The following TENM2 variants were observed in gnomAD, a reference collection of about 807,000 sequenced individuals.
TENM2 encodes teneurin transmembrane protein 2.
TENM2 carries 52 observed loss-of-function variants against 245.2 expected under a neutral mutation model. That is an observed-to-expected ratio of 0.21 (90% confidence interval 0.17 to 0.27). The LOEUF (loss-of-function observed/expected upper bound fraction) is 0.27. Ranked by LOEUF, TENM2 falls within the 10% of genes least tolerant of loss-of-function variation. The probability of loss-of-function intolerance (pLI) is 1.00; values close to 1 mark genes in which losing one functional copy is unlikely to be tolerated. For synonymous variants in TENM2, 1,363 were observed against 1,438.9 expected, an observed-to-expected ratio of 0.95 and a Z score of 1.19; for missense variants, 3,046 against 3,666.8, an observed-to-expected ratio of 0.83 and a Z score of 4.37.
At chr5:167,730,108 A>G (rs978993523) in intron 2 of TENM2, among the ~76,000 whole-genome samples, 1 of 152,202 alleles carries the variant, frequency 6.6e-6, no homozygotes, top group Non-Finnish European at 1.5e-5. Flanking sequence ...CTAAAAATCC[A>G]TCGTCTTTGC....
chr5:167,188,848 A>G, the TENM2 span, among the ~76,000 whole-genome samples: 1 of 152,192 alleles, frequency 6.6e-6, no homozygotes. Flanking sequence ...ATGATAAAAA[A>G]TTATCCAAGA....
chr5:167,733,284 T>C (rs924186674), intron 2 of TENM2, among the ~76,000 whole-genome samples: 1 of 152,204 alleles, frequency 6.6e-6, no homozygotes, highest in Non-Finnish European at 1.5e-5. Context: ...GAATGTCTAG[T>C]CAGTGCTGTG....
At chr5:167,323,140 A>G (rs1354754624) in intron 1 of TENM2, among the ~76,000 whole-genome samples, 2 of 152,206 alleles carry the variant, frequency 1.3e-5, no homozygotes, top group Non-Finnish European at 2.9e-5. Flanking sequence ...GAGGATTTAT[A>G]CTAGTACAGC....
chr5:167,115,793 T>C, the TENM2 span, among the ~76,000 whole-genome samples: 1 of 152,304 alleles, frequency 6.6e-6, no homozygotes, highest in South Asian at 2.1e-4. Context: ...TAGGCTTTAG[T>C]AGAGATGCTT....
In TENM2 at chr5:167,635,633, C is replaced by CTTTTTTTTTTTTTTTTTTTTTT. The variant is rs76155764; in HGVS notation, c.503-240345_503-240324dup. Among the ~76,000 whole-genome samples, 44 of 74,940 alleles carry CTTTTTTTTTTTTTTTTTTTTTT rather than the reference C, an allele frequency of 5.9e-4. 5 individuals carry two copies. Among genetic ancestry groups the CTTTTTTTTTTTTTTTTTTTTTT allele is most frequent in the East Asian group, 2.9e-3 (5 of 1,710 alleles). 49.2% of individuals were successfully genotyped at this position (74,940 alleles called of 152,430 possible). A position where few individuals can be genotyped will look rare whatever the true frequency, so the allele number is the denominator to read the frequency against. On this transcript the variant is annotated intron_variant, in intron 2 of 28. Coordinates refer to ENST00000518659, the Ensembl canonical transcript of TENM2. ...GGAATCTGGCTATGATCAGTACAGT[C>CTTTTTTTTTTTTTTTTTTTTTT]TTTTTTTTTTTTTTTTTTTTTTTTT...
intron 4 of TENM2, among the ~76,000 whole-genome samples, chr5:167,989,456 A>G (rs1438052625): frequency 6.6e-6 from 1 of 152,164 alleles, no homozygotes; most frequent in East Asian, 1.9e-4. Context: ...TTGTTAAGAC[A>G]AAGTGTGTCT....
chr5:167,235,798 C>T, the TENM2 span, among the ~76,000 whole-genome samples: 5 of 152,194 alleles, frequency 3.3e-5, no homozygotes. Flanking sequence ...TTGCATTCAT[C>T]ATGAAACCAA....
the TENM2 span, among the ~76,000 whole-genome samples, chr5:167,066,344 G>C: frequency 6.6e-6 from 1 of 151,984 alleles, no homozygotes; most frequent in Admixed American, 6.6e-5. Context: ...TATTCCATGG[G>C]TTAGTTCCTA....
At chr5:168,132,210 T>A (rs1426037923) in intron 12 of TENM2, among the ~76,000 whole-genome samples, 1 of 151,986 alleles carries the variant, frequency 6.6e-6, no homozygotes, top group African/African-American at 2.4e-5. Flanking sequence ...TGCAAAAACA[T>A]AAAAGGAAAG....
the TENM2 span, among the ~76,000 whole-genome samples, chr5:167,175,279 A>T: frequency 9.2e-5 from 14 of 152,214 alleles, no homozygotes; most frequent in Non-Finnish European, 7.3e-5. Context: ...GCCCTGAGAT[A>T]TGTTAACAGC....
At chr5:168,204,554 G>A in exon 19 of TENM2, 1 of 1,614,038 alleles carries the variant, frequency 6.2e-7, no homozygotes, top group South Asian at 1.1e-5. Context: ...GAGCCTCTAT[G>A]TGGGTGACTT....
intron 2 of TENM2, among the ~76,000 whole-genome samples, chr5:167,524,040 G>C (rs1237994713): frequency 4.6e-5 from 7 of 152,128 alleles, no homozygotes; most frequent in Admixed American, 3.9e-4. Context: ...ATCTCAGTTA[G>C]CCTATGATTC....
intron 2 of TENM2, among the ~76,000 whole-genome samples, chr5:167,862,256 T>C (rs1771888020): frequency 6.6e-6 from 1 of 152,126 alleles, no homozygotes; most frequent in South Asian, 2.1e-4. Context: ...TGTGTGTGTG[T>C]GTGTGTGTGT....
intron 2 of TENM2, among the ~76,000 whole-genome samples, chr5:167,832,534 A>G (rs1283855135): frequency 1.3e-5 from 2 of 152,242 alleles, no homozygotes; most frequent in Admixed American, 6.5e-5. Flanking sequence ...TGTTTATGTA[A>G]GATGTTAATT....
At chr5:167,993,893 G>T (rs148436615) in intron 5 of TENM2, among the ~76,000 whole-genome samples, 153 of 152,348 alleles carry the variant, frequency 1.0e-3, no homozygotes, top group African/African-American at 3.5e-3. Flanking sequence ...ATCTTTCTCT[G>T]CATGCCAAAG....
the TENM2 span, among the ~76,000 whole-genome samples, chr5:167,172,685 TC>T: frequency 1.9e-4 from 29 of 151,132 alleles, no homozygotes; most frequent in Admixed American, 2.0e-4. Flanking sequence ...AGTGCAGTGG[TC>T]CTGCTGCTTC....
chr5:167,826,639 GATTA>G (rs1273786164), intron 2 of TENM2, among the ~76,000 whole-genome samples: 1 of 152,238 alleles, frequency 6.6e-6, no homozygotes, highest in South Asian at 2.1e-4. Flanking sequence ...CCACCTGATT[GATTA>G]ATTAATTGAT....
At chr5:168,048,225 A>G (rs1169087667) in intron 6 of TENM2, among the ~76,000 whole-genome samples, 2 of 123,586 alleles carry the variant, frequency 1.6e-5, no homozygotes, top group African/African-American at 6.1e-5. Context: ...AAACAGAACC[A>G]TAGGGTGGGG....
chr5:167,409,078 G>C (rs986254500), intron 2 of TENM2, among the ~76,000 whole-genome samples: 4 of 151,488 alleles, frequency 2.6e-5, no homozygotes, highest in Admixed American at 1.3e-4. Flanking sequence ...GACTTTACTC[G>C]AAGTCACTTG....
Sources: gnomAD v4.1 joint callset for allele counts (sites outside exome capture counted in the v4.1 genomes callset) on GRCh38, gnomAD v4.1.1 for gene constraint, MANE v1.5 for transcripts, NCBI Gene and HGNC (gene_info 2026-07-23, HGNC 2026-07-21) for gene names.